CLNS1A: variants seen among roughly 807,000 people sequenced by gnomAD.
The protein encoded by CLNS1A is chloride nucleotide-sensitive channel 1A, also known as methylosome subunit pICln.
Under a neutral mutation model 29.4 loss-of-function variants are expected in CLNS1A, and 16 were observed. That is an observed-to-expected ratio of 0.54 (90% CI 0.37 to 0.83). CLNS1A has a LOEUF of 0.83. CLNS1A is among the 40% of genes least tolerant of loss of function. The probability of loss-of-function intolerance (pLI) is 0.00; values close to 1 mark genes in which losing one functional copy is unlikely to be tolerated. For synonymous variants in CLNS1A, 96 were observed against 104.8 expected, an observed-to-expected ratio of 0.92 and a Z score of 0.51; for missense variants, 235 against 287.4, an observed-to-expected ratio of 0.82 and a Z score of 1.32.
rs754387990 is a variant in CLNS1A, at chr11:77,615,337, G to T, written c.*1381C>A. 2.6e-5 allele frequency: 4 copies of T among 152,146 alleles called. No homozygotes were observed. The highest frequency in any genetic ancestry group is 4.8e-5 in the African/African-American group (2 of 41,434). 9.4% of individuals were successfully genotyped at this position (152,146 alleles called of 1,614,324 possible). ...GTTAACACTGAAACCCTGCAGCAGT[G>T]GGGAGAGTGTGCATGCTTTCTGCTG... On this transcript the variant is annotated 3_prime_UTR_variant, in exon 7 of 7. Coordinates refer to ENST00000525428, the MANE Select transcript of CLNS1A (RefSeq NM_001293.3).
intron 4 of CLNS1A, 49 bp downstream of exon 4, chr11:77,624,914 T>C (rs1959000341): frequency 8.3e-7 from 1 of 1,203,922 alleles, no homozygotes; most frequent in Admixed American, 1.8e-5. Flanking sequence ...ATGCTTAAAA[T>C]GAAACACTAA....
intron 4 of CLNS1A, among the ~76,000 whole-genome samples, chr11:77,622,949 GAAAAAA>G (rs35752186): frequency 1.9e-5 from 2 of 105,816 alleles, no homozygotes; most frequent in Non-Finnish European, 3.8e-5. Context: ...CCTTGTCTTG[GAAAAAA>G]AAAAAAAAAA....
At chr11:77,622,330 C>A (rs1289959274) in intron 5 of CLNS1A, 170 bp downstream of exon 5, 3 of 624,928 alleles carry the variant, frequency 4.8e-6, no homozygotes, top group Non-Finnish European at 7.9e-6. Context: ...GAAAAAAAAT[C>A]ACTAAAAACA....
At chr11:77,622,356 C>T in intron 5 of CLNS1A, 144 bp downstream of exon 5, 1 of 646,802 alleles carries the variant, frequency 1.5e-6, no homozygotes, top group Non-Finnish European at 2.6e-6. Context: ...CATAAGCATT[C>T]CTATACTATG....
At chr11:77,618,496 A>C (rs1958925523) in intron 6 of CLNS1A, 1 of 152,244 alleles carries the variant, frequency 6.6e-6, no homozygotes, top group South Asian at 2.1e-4. Context: ...GTGGAAATTA[A>C]AATTAAGTAT....
intron 1 of CLNS1A, among the ~76,000 whole-genome samples, chr11:77,632,518 T>C (rs1234034489): frequency 6.6e-6 from 1 of 152,202 alleles, no homozygotes; most frequent in East Asian, 1.9e-4. Flanking sequence ...GCACAGCATT[T>C]GCTATGGAAC....
rs1215776187 is a variant in CLNS1A at position 77,637,766 on chromosome 11, C to T, written c.-52G>A. ...CTGAGGGAGTTGGAGCACAGCAATG[C>T]GTGCACCACACCGCCCGCCCTGGAA... is the stretch of plus-strand genomic sequence containing the variant. On this transcript the variant is annotated 5_prime_UTR_variant, in exon 1 of 7. Coordinates refer to ENST00000525428, the MANE Select transcript of CLNS1A (RefSeq NM_001293.3). 2 of 1,509,884 alleles carry T rather than the reference C, an allele frequency of 1.3e-6. No homozygotes were observed. The highest frequency in any genetic ancestry group is 2.8e-5 in the African/African-American group (2 of 71,920). 93.5% of individuals were successfully genotyped at this position (1,509,884 alleles called of 1,614,324 possible). A position where few individuals can be genotyped will look rare whatever the true frequency, so the allele number is the denominator to read the frequency against.
In CLNS1A at chr11:77,625,581, A is replaced by T. The variant is rs542373056; in HGVS notation, c.364+136T>A. The T allele has an allele frequency of 1.1e-5, 8 of 713,772 alleles. No homozygotes were observed. In the East Asian group the frequency reaches 2.2e-4, roughly 20 times the overall value. The allele number at this position is 713,772 out of a possible 1,614,324, so 44.2% of individuals were successfully genotyped here. On this transcript the variant is annotated intron_variant, in intron 3 of 6. Transcript: ENST00000525428. ...GGTCCTTAATGATATTACCAATGCT[A>T]AAATAAAGAAAAAGCAATAGAATGG...
intron 1 of CLNS1A, among the ~76,000 whole-genome samples, chr11:77,633,823 G>C (rs1435259176): frequency 1.3e-5 from 2 of 151,848 alleles, no homozygotes; most frequent in Non-Finnish European, 2.9e-5. Context: ...CTTCCTGGCC[G>C]GGTGCAGTGG....
chr11:77,616,806 C>G (rs1189165538), intron 6 of CLNS1A, 111 bp from the exon 7 acceptor site: 1 of 152,148 alleles, frequency 6.6e-6, no homozygotes, highest in Non-Finnish European at 1.5e-5. Flanking sequence ...TTATCTTAGC[C>G]TCTGCAACAA....
intron 5 of CLNS1A, chr11:77,621,757 G>A: frequency 3.5e-6 from 1 of 285,892 alleles, no homozygotes; most frequent in East Asian, 7.7e-5. Context: ...TTATTTTTTA[G>A]ATGAGATTAG....
intron 1 of CLNS1A, among the ~76,000 whole-genome samples, chr11:77,632,631 TA>T (rs200643891): frequency 2.0e-5 from 3 of 150,146 alleles, no homozygotes; most frequent in Non-Finnish European, 3.0e-5. Context: ...CTTTTTTTTT[TA>T]AATAAAAAAA....
At chr11:77,616,775 G>GGCTTAGTACCTAGTCA (rs1958909135) in intron 6 of CLNS1A, 80 bp from the exon 7 acceptor site, 1 of 152,166 alleles carries the variant, frequency 6.6e-6, no homozygotes, top group Non-Finnish European at 1.5e-5. Flanking sequence ...AGTCACGAGT[G>GGCTTAGTACCTAGTCA]CCAGAGGACT....
intron 6 of CLNS1A, among the ~76,000 whole-genome samples, chr11:77,617,720 C>A (rs1453900796): frequency 6.6e-6 from 1 of 151,798 alleles, no homozygotes; most frequent in Non-Finnish European, 1.5e-5. Context: ...AAGATCAAGA[C>A]CATCCTGGCC....
chr11:77,622,462 T>C, intron 5 of CLNS1A, 38 bp downstream of exon 5: 2 of 1,488,508 alleles, frequency 1.3e-6, no homozygotes, highest in Non-Finnish European at 1.8e-6. Flanking sequence ...ATTGCCCAAG[T>C]GCTCATCTGA....
chr11:77,623,026 T>C (rs957801521), intron 4 of CLNS1A, among the ~76,000 whole-genome samples: 5 of 151,210 alleles, frequency 3.3e-5, no homozygotes, highest in African/African-American at 1.2e-4. Context: ...CTTTTGAACA[T>C]TTATTTATAC....
intron 3 of CLNS1A, chr11:77,625,316 A>T: frequency 2.0e-6 from 1 of 511,682 alleles, no homozygotes; most frequent in Non-Finnish European, 3.4e-6. Context: ...GAGTCCTGGT[A>T]AGACTGCTGG....
intron 6 of CLNS1A, among the ~76,000 whole-genome samples, chr11:77,619,266 T>C (rs1355026789): frequency 6.6e-6 from 1 of 152,222 alleles, no homozygotes; most frequent in African/African-American, 2.4e-5. Flanking sequence ...ATACAGTGGC[T>C]CACAGCTGTA....
intron 1 of CLNS1A, among the ~76,000 whole-genome samples, 182 bp downstream of exon 1, chr11:77,637,408 C>A (rs1218230542): frequency 6.6e-6 from 1 of 151,334 alleles, no homozygotes; most frequent in East Asian, 1.9e-4. Flanking sequence ...ATGGAAGACT[C>A]CGGAGGAGTA....
Sources: gnomAD v4.1 joint callset for allele counts (sites outside exome capture counted in the v4.1 genomes callset) on GRCh38, gnomAD v4.1.1 for gene constraint, MANE v1.5 for transcripts, NCBI Gene and HGNC (gene_info 2026-07-23, HGNC 2026-07-21) for gene names.